CSMD3: variants seen among roughly 807,000 people sequenced by gnomAD.
CSMD3 encodes the protein CUB and Sushi multiple domains 3.
Under a neutral mutation model 435.2 loss-of-function variants are expected in CSMD3, and 177 were observed. The ratio of observed to expected loss-of-function variants is 0.41; its 90% CI spans 0.36 to 0.46. CSMD3 has a LOEUF of 0.46. Ranked by LOEUF, CSMD3 falls within the 20% of genes least tolerant of loss-of-function variation. CSMD3 has a pLI of 0.34. For missense variants in CSMD3, 4,265 were observed against 4,504.6 expected (o/e 0.95, Z 1.52); for synonymous variants, 1,656 against 1,520.5 (o/e 1.09, Z -2.07).
intron 10 of CSMD3, among the ~76,000 whole-genome samples, chr8:112,907,465 C>T (rs973698824): frequency 6.6e-6 from 1 of 151,282 alleles, no homozygotes; most frequent in Non-Finnish European, 1.5e-5. Context: ...TTCTCTTGGG[C>T]AATTTACTTG....
chr8:112,544,273 A>T (rs1176151277), intron 27 of CSMD3, among the ~76,000 whole-genome samples: 1 of 152,154 alleles, frequency 6.6e-6, no homozygotes, highest in Non-Finnish European at 1.5e-5. Context: ...GTGGCTGTTG[A>T]AGATAGGTAC....
chr8:113,282,453 A>G (rs910522334), intron 2 of CSMD3, among the ~76,000 whole-genome samples: 7 of 152,024 alleles, frequency 4.6e-5, no homozygotes, highest in African/African-American at 1.7e-4. Context: ...CCAAGTGGAG[A>G]ATCAAATCAA....
At chr8:112,916,709 TA>T (rs1246598952) in intron 10 of CSMD3, among the ~76,000 whole-genome samples, 1 of 151,912 alleles carries the variant, frequency 6.6e-6, no homozygotes, top group Non-Finnish European at 1.5e-5. Context: ...ATTTTCTAAT[TA>T]CCTTTGCATA....
At chr8:112,852,923 AAAAT>A (rs61627658) in intron 11 of CSMD3, among the ~76,000 whole-genome samples, 143,868 of 150,622 alleles carry the variant, frequency 0.96, 68,732 homozygotes, top group South Asian at 0.99. Context: ...CTCCACCTCA[AAAAT>A]AAATAAATAA....
chr8:112,668,884 G>C (rs2075589244), intron 16 of CSMD3, among the ~76,000 whole-genome samples: 1 of 151,448 alleles, frequency 6.6e-6, no homozygotes, highest in Non-Finnish European at 1.5e-5. Context: ...AACAGTGGAA[G>C]AGCATGGAAT....
chr8:112,814,756 T>C (rs373954041), intron 12 of CSMD3, among the ~76,000 whole-genome samples: 3 of 151,256 alleles, frequency 2.0e-5, no homozygotes, highest in Non-Finnish European at 4.4e-5. Context: ...CATTCCAGCC[T>C]GGGCAACAGA....
chr8:113,103,487 A>T (rs1394269), intron 4 of CSMD3, among the ~76,000 whole-genome samples: 102,121 of 151,906 alleles, frequency 0.67, 35,941 homozygotes, highest in East Asian at 0.95. Flanking sequence ...AGCTAATGGG[A>T]TCAATAAAGA....
intron 28 of CSMD3, 52 bp from the exon 29 acceptor site, chr8:112,506,881 T>C (rs2130933094): frequency 1.3e-6 from 2 of 1,495,186 alleles, no homozygotes; most frequent in Non-Finnish European, 1.8e-6. Flanking sequence ...TACAATTTAT[T>C]AGCTATCAAT....
intron 4 of CSMD3, among the ~76,000 whole-genome samples, chr8:113,137,163 T>C (rs994115324): frequency 2.0e-5 from 3 of 151,670 alleles, no homozygotes; most frequent in Admixed American, 1.3e-4. Context: ...AGTCCAAGTG[T>C]ATCAAGTTCT....
chr8:113,069,872 G>T lies in CSMD3; in HGVS notation c.917+28884C>A, dbSNP rs542099484. 9.2e-5 allele frequency among the ~76,000 whole-genome samples: 14 copies of T among 152,146 alleles called. No individual in the cohort carries two copies. The South Asian group carries it at 2.9e-3, about 32-fold the overall frequency. Reference sequence around the variant, plus strand: ...CCCTTAGAAGCCATGTTCTGTAACTGCACAGACAAAATAGCAACAGTCTAG... The same window carrying T: ...CCCTTAGAAGCCATGTTCTGTAACTTCACAGACAAAATAGCAACAGTCTAG... On this transcript the variant is annotated intron_variant, in intron 5 of 70. Transcript: ENST00000297405.
intron 58 of CSMD3, among the ~76,000 whole-genome samples, chr8:112,286,290 C>T (rs1479971282): frequency 6.6e-6 from 1 of 152,082 alleles, no homozygotes; most frequent in African/African-American, 2.4e-5. Flanking sequence ...ATTCTTTCCA[C>T]AGTTTCACTT....
intron 3 of CSMD3, among the ~76,000 whole-genome samples, chr8:113,215,295 G>A (rs1406755694): frequency 6.6e-6 from 1 of 151,766 alleles, no homozygotes; most frequent in Non-Finnish European, 1.5e-5. Flanking sequence ...GGCTTCAAGA[G>A]TTTCTACTTA....
At chr8:113,350,171 G>A (rs1042593555) in intron 1 of CSMD3, among the ~76,000 whole-genome samples, 1 of 151,896 alleles carries the variant, frequency 6.6e-6, no homozygotes, top group Non-Finnish European at 1.5e-5. Flanking sequence ...AGTGACCCCC[G>A]ACAACATCAT....
chr8:112,883,174 A>T (rs533621375), intron 10 of CSMD3, among the ~76,000 whole-genome samples: 1 of 151,904 alleles, frequency 6.6e-6, no homozygotes, highest in Non-Finnish European at 1.5e-5. Flanking sequence ...CGATCTTCCA[A>T]TTTTTCAAAG....
chr8:113,012,776 A>G (rs2086303947), intron 6 of CSMD3, among the ~76,000 whole-genome samples: 2 of 152,006 alleles, frequency 1.3e-5, no homozygotes, highest in Admixed American at 1.3e-4. Context: ...GAGCAGACTA[A>G]TACAATGTCC....
At chr8:112,778,584 C>A (rs1245266088) in intron 13 of CSMD3, among the ~76,000 whole-genome samples, 1 of 151,874 alleles carries the variant, frequency 6.6e-6, no homozygotes, top group Non-Finnish European at 1.5e-5. Flanking sequence ...CATTCACCTA[C>A]TGAAAGACAT....
chr8:112,948,995 G>A (rs575083208), intron 8 of CSMD3, among the ~76,000 whole-genome samples: 29 of 152,038 alleles, frequency 1.9e-4, no homozygotes, highest in Non-Finnish European at 3.8e-4. Flanking sequence ...CTGTAGCTTT[G>A]GAATCCTGGA....
intron 3 of CSMD3, among the ~76,000 whole-genome samples, chr8:113,216,403 A>G (rs1351600197): frequency 6.6e-6 from 1 of 151,902 alleles, no homozygotes; most frequent in Non-Finnish European, 1.5e-5. Flanking sequence ...TACCATTGAT[A>G]TTGGTGAATT....
At chr8:112,353,928 C>T (rs1004146989) in intron 38 of CSMD3, among the ~76,000 whole-genome samples, 2 of 152,110 alleles carry the variant, frequency 1.3e-5, no homozygotes, top group African/African-American at 4.8e-5. Context: ...TTCTGATGAA[C>T]ACAGTTCGTA....
Sources: gnomAD v4.1 joint callset for allele counts (sites outside exome capture counted in the v4.1 genomes callset) on GRCh38, gnomAD v4.1.1 for gene constraint, MANE v1.5 for transcripts, NCBI Gene and HGNC (gene_info 2026-07-23, HGNC 2026-07-21) for gene names.